Variants in ASPRV1 observed in about 807,000 individuals in gnomAD.
The protein encoded by ASPRV1 is retroviral-like aspartic protease 1.
Under a neutral mutation model 11.0 loss-of-function variants are expected in ASPRV1, and 7 were observed. The observed-to-expected ratio is 0.64, with a 90% CI of 0.36 to 1.20. ASPRV1 has a LOEUF of 1.20. Among genes scored for constraint, ASPRV1 ranks in the 50% most tolerant of loss-of-function variants. The pLI, the probability that ASPRV1 is intolerant of heterozygous loss-of-function variation, is 0.02. For synonymous variants in ASPRV1, 136 were observed against 138.4 expected (o/e 0.98, Z 0.12); for missense variants, 299 against 320.0 (o/e 0.93, Z 0.50).
the ASPRV1 span, among the ~76,000 whole-genome samples, chr2:69,972,983 G>A: frequency 6.6e-6 from 1 of 151,844 alleles, no homozygotes; most frequent in Non-Finnish European, 1.5e-5. Flanking sequence ...CCCTCTTCTG[G>A]GAATCTTTCC....
the ASPRV1 span, among the ~76,000 whole-genome samples, chr2:70,061,123 C>T: frequency 3.3e-5 from 5 of 151,462 alleles, no homozygotes; most frequent in East Asian, 5.9e-4. Flanking sequence ...AGGCCGGGCA[C>T]GGTGGCTCAT....
the ASPRV1 span, among the ~76,000 whole-genome samples, chr2:70,033,314 C>CACACAT: frequency 4.7e-5 from 7 of 148,058 alleles, no homozygotes; most frequent in South Asian, 1.5e-3. Context: ...CACACACACA[C>CACACAT]ATATATGCAC....
At chr2:70,086,191 G>A in the ASPRV1 span, 3 of 152,300 alleles carry the variant, frequency 2.0e-5, no homozygotes, top group East Asian at 5.8e-4. Context: ...CGGGGAGGAA[G>A]AGGGGTGCAT....
the ASPRV1 span, chr2:69,942,069 G>T: frequency 6.6e-6 from 1 of 151,990 alleles, no homozygotes; most frequent in African/African-American, 2.4e-5. Flanking sequence ...AAGTTTGTCT[G>T]TCCCCCTTTG....
the ASPRV1 span, among the ~76,000 whole-genome samples, chr2:70,046,961 G>A: frequency 5.9e-5 from 9 of 152,170 alleles, no homozygotes; most frequent in South Asian, 1.7e-3. Context: ...TACATACGGA[G>A]GGATGAAAGT....
the ASPRV1 span, chr2:70,016,440 T>G: frequency 6.6e-6 from 1 of 150,892 alleles, no homozygotes; most frequent in Non-Finnish European, 1.5e-5. Flanking sequence ...TTTAAAAGAC[T>G]GAGACAGGAG....
chr2:69,938,154 G>A, the ASPRV1 span: 16 of 1,614,246 alleles, frequency 9.9e-6, no homozygotes, highest in Admixed American at 1.7e-5. Context: ...CTGGACTGGA[G>A]CAGCAGCAGT....
At chr2:70,077,126 A>G in the ASPRV1 span, among the ~76,000 whole-genome samples, 1 of 152,174 alleles carries the variant, frequency 6.6e-6, no homozygotes, top group Admixed American at 6.5e-5. Flanking sequence ...CCGGAATCAT[A>G]TGGTTGTCAG....
chr2:70,057,444 G>A, the ASPRV1 span, among the ~76,000 whole-genome samples: 1 of 151,594 alleles, frequency 6.6e-6, no homozygotes, highest in Non-Finnish European at 1.5e-5. Context: ...GTATATCTGT[G>A]TCATTTTTCT....
the ASPRV1 span, chr2:69,938,511 A>T: frequency 9.9e-6 from 5 of 506,492 alleles, no homozygotes; most frequent in Admixed American, 1.7e-4. Flanking sequence ...GAGAGACTAT[A>T]CATTCCAATC....
the ASPRV1 span, among the ~76,000 whole-genome samples, chr2:70,038,876 C>T: frequency 3.2e-4 from 49 of 152,072 alleles, 1 homozygote; most frequent in South Asian, 1.0e-2. Context: ...GTTGGGAGTT[C>T]GAGACCAGCC....
chr2:70,034,566 G>C, the ASPRV1 span, among the ~76,000 whole-genome samples: 11 of 144,806 alleles, frequency 7.6e-5, no homozygotes, highest in African/African-American at 2.6e-4. Flanking sequence ...GCGAGACTTT[G>C]TCTCAAAAAA....
chr2:70,069,856 A>C, the ASPRV1 span, among the ~76,000 whole-genome samples: 1 of 152,154 alleles, frequency 6.6e-6, no homozygotes, highest in African/African-American at 2.4e-5. Context: ...CTATAAAGTA[A>C]GGAGGTTGGA....
the ASPRV1 span, chr2:69,942,291 G>C: frequency 6.6e-6 from 1 of 152,140 alleles, no homozygotes; most frequent in South Asian, 2.1e-4. Flanking sequence ...GATCTCTATA[G>C]ACTGTAGGAT....
chr2:70,036,152 T>C, the ASPRV1 span, among the ~76,000 whole-genome samples: 1 of 151,910 alleles, frequency 6.6e-6, no homozygotes, highest in South Asian at 2.1e-4. Flanking sequence ...AGCTGCAGCC[T>C]GGAGCTAGGA....
chr2:69,984,366 G>T, the ASPRV1 span, among the ~76,000 whole-genome samples: 1 of 152,056 alleles, frequency 6.6e-6, no homozygotes, highest in African/African-American at 2.4e-5. Flanking sequence ...TGCTCTTTTT[G>T]GCTTAAGTTC....
chr2:70,035,802 A>C, the ASPRV1 span, among the ~76,000 whole-genome samples: 1 of 151,728 alleles, frequency 6.6e-6, no homozygotes, highest in Admixed American at 6.6e-5. Context: ...GATCTCTATC[A>C]GCTAGCAAAT....
At chr2:69,937,357 C>T in the ASPRV1 span, 1 of 1,613,520 alleles carries the variant, frequency 6.2e-7, no homozygotes, top group Non-Finnish European at 8.5e-7. Flanking sequence ...ACAGCATCGG[C>T]TCCACCGTCT....
chr2:69,942,245 C>G, the ASPRV1 span: 1 of 152,206 alleles, frequency 6.6e-6, no homozygotes, highest in East Asian at 1.9e-4. Flanking sequence ...CCCAAAGACC[C>G]TTTTCGATGA....
Sources: gnomAD v4.1 joint callset for allele counts (sites outside exome capture counted in the v4.1 genomes callset) on GRCh38, gnomAD v4.1.1 for gene constraint, MANE v1.5 for transcripts, NCBI Gene and HGNC (gene_info 2026-07-23, HGNC 2026-07-21) for gene names.